Variants in CNTN3 observed in about 807,000 individuals in gnomAD.
CNTN3 encodes the protein contactin-3.
In CNTN3, 60 loss-of-function variants were observed where a neutral mutation model predicts 119.1. That is an observed-to-expected ratio of 0.50 (90% confidence interval 0.41 to 0.62). CNTN3 has a LOEUF of 0.62. CNTN3 is among the 20% of genes least tolerant of loss of function. The pLI is 0.00. For synonymous variants in CNTN3, 450 were observed against 438.7 expected, an observed-to-expected ratio of 1.03 and a Z score of -0.32; for missense variants, 1,101 against 1,242.4, an observed-to-expected ratio of 0.89 and a Z score of 1.71.
intron 13 of CNTN3, among the ~76,000 whole-genome samples, chr3:74,319,541 T>C (rs1702928950): frequency 6.6e-6 from 1 of 152,076 alleles, no homozygotes; most frequent in South Asian, 2.1e-4. Context: ...ACTTACATGT[T>C]AGACCTAAAA....
Position 74,323,520 on chromosome 3 carries a change from T to A in CNTN3, c.1668+11215A>T, listed in dbSNP as rs539751858. ...ATAACAAAGATACTCTAAAACTAAC[T>A]ATTGCAATGAAAGTACAGCTCTGTG... On this transcript the variant is annotated intron_variant, in intron 13 of 22. Coordinates refer to ENST00000263665, the MANE Select transcript of CNTN3 (RefSeq NM_020872.3). Among the ~76,000 whole-genome samples, 4 of 152,290 alleles carry A rather than the reference T, an allele frequency of 2.6e-5. No homozygotes were observed. In the East Asian group the frequency reaches 7.7e-4, roughly 29 times the overall value.
intron 5 of CNTN3, among the ~76,000 whole-genome samples, chr3:74,381,066 TCTC>T (rs1704608752): frequency 6.9e-6 from 1 of 145,482 alleles, no homozygotes; most frequent in South Asian, 2.2e-4. Flanking sequence ...TTTTTTTTTC[TCTC>T]TCTCTCTCTC....
At chr3:74,401,962 A>G (rs1705206045) in intron 5 of CNTN3, among the ~76,000 whole-genome samples, 1 of 152,198 alleles carries the variant, frequency 6.6e-6, no homozygotes, top group African/African-American at 2.4e-5. Context: ...TTTTAAGAAT[A>G]AGCTCTGTAA....
At chr3:74,298,791 G>A (rs1702393339) in intron 17 of CNTN3, among the ~76,000 whole-genome samples, 1 of 151,410 alleles carries the variant, frequency 6.6e-6, no homozygotes, top group Admixed American at 6.6e-5. Context: ...CAGCTACTCG[G>A]GAGGCTGAGG....
chr3:74,373,275 A>G (rs1233850775), intron 5 of CNTN3, among the ~76,000 whole-genome samples: 4 of 152,212 alleles, frequency 2.6e-5, no homozygotes, highest in Admixed American at 2.6e-4. Context: ...TTTGTTCTGC[A>G]GTTGTTAAAA....
At chr3:74,313,073 G>A (rs1167832858) in intron 13 of CNTN3, among the ~76,000 whole-genome samples, 1 of 150,686 alleles carries the variant, frequency 6.6e-6, no homozygotes, top group African/African-American at 2.4e-5. Context: ...TAATAGACTG[G>A]GCATGGTTGA....
intron 1 of CNTN3, among the ~76,000 whole-genome samples, chr3:74,533,162 G>A (rs1338563303): frequency 1.3e-5 from 2 of 151,950 alleles, no homozygotes. Flanking sequence ...GCCTGTGGTT[G>A]TATTTTCATA....
rs569452665 is a variant in CNTN3, at chr3:74,542,626, T to G, written c.-80-21434A>C. 2.6e-5 allele frequency among the ~76,000 whole-genome samples: 4 copies of G among 152,326 alleles called. 1 individual carries two copies. Among genetic ancestry groups the G allele is most frequent in the African/African-American group, 9.6e-5 (4 of 41,576 alleles). On this transcript the variant is annotated intron_variant, in intron 1 of 22. Transcript: ENST00000263665. ...AAGTAGTACTAGATAATATGATGAA[T>G]GACAAACAATTAACTTTTCAGTTTG...
At chr3:74,330,076 C>T (rs1046756934) in intron 13 of CNTN3, among the ~76,000 whole-genome samples, 3 of 152,174 alleles carry the variant, frequency 2.0e-5, no homozygotes, top group Non-Finnish European at 4.4e-5. Flanking sequence ...ATGGAGCTGC[C>T]TGGGCCTAGT....
intron 1 of CNTN3, among the ~76,000 whole-genome samples, chr3:74,577,432 G>A (rs1235775993): frequency 6.6e-6 from 1 of 152,054 alleles, no homozygotes; most frequent in Non-Finnish European, 1.5e-5. Context: ...AAGAGTGGGG[G>A]GGAAAAAGAA....
In CNTN3 at chr3:74,473,973, A is replaced by C. The variant is rs554266248; in HGVS notation, c.358+12483T>G. Among the ~76,000 whole-genome samples, 4 of 152,332 alleles carry C rather than the reference A, an allele frequency of 2.6e-5. No homozygotes were observed. The East Asian group carries it at 7.7e-4, about 29-fold the overall frequency. On this transcript the variant is annotated intron_variant, in intron 4 of 22. Coordinates refer to ENST00000263665, the MANE Select transcript of CNTN3 (RefSeq NM_020872.3). Reference sequence around the variant, plus strand: ...TGAGAAACCATTGGAGGTTTTGTCCAGGGAGGTATCGATATGTTCAGCATG... The same window carrying C: ...TGAGAAACCATTGGAGGTTTTGTCCCGGGAGGTATCGATATGTTCAGCATG...
rs116103974 is a variant in CNTN3, at chr3:74,579,285, T to G, written c.-81+35106A>C. Among the ~76,000 whole-genome samples, 23 of 151,290 alleles carry G rather than the reference T, an allele frequency of 1.5e-4. No homozygotes were observed. In the East Asian group the frequency reaches 4.3e-3, roughly 28 times the overall value. On this transcript the variant is annotated intron_variant, in intron 1 of 22. Coordinates refer to ENST00000263665, the MANE Select transcript of CNTN3 (RefSeq NM_020872.3). ...AAATTGACAGATCTAAAGAGAAAAA[T>G]TGAAAATCCACAATAATAGTTGAAG...
chr3:74,450,619 G>T (rs1016266272), intron 4 of CNTN3, among the ~76,000 whole-genome samples: 15 of 149,332 alleles, frequency 1.0e-4, no homozygotes, highest in African/African-American at 3.7e-4. Context: ...CCACTAACTC[G>T]TCATCTAGCA....
intron 20 of CNTN3, among the ~76,000 whole-genome samples, chr3:74,269,338 C>G (rs185057998): frequency 6.6e-6 from 1 of 151,894 alleles, no homozygotes; most frequent in Non-Finnish European, 1.5e-5. Context: ...ATAATGTTCG[C>G]GAACTACCTT....
chr3:74,407,264 A>ATTTTTTTTTTTT (rs753215277), intron 5 of CNTN3, among the ~76,000 whole-genome samples: 3 of 105,528 alleles, frequency 2.8e-5, no homozygotes, highest in Non-Finnish European at 3.6e-5. Context: ...CAAATATTCT[A>ATTTTTTTTTTTT]TTTTTTTTTT....
chr3:74,277,801 C>T (rs76591141), intron 20 of CNTN3, among the ~76,000 whole-genome samples: 4 of 151,974 alleles, frequency 2.6e-5, no homozygotes, highest in African/African-American at 9.7e-5. Flanking sequence ...AAAGGGCATC[C>T]AGATCAGTAA....
intron 4 of CNTN3, among the ~76,000 whole-genome samples, chr3:74,437,843 AT>A (rs1422889437): frequency 6.6e-6 from 1 of 152,190 alleles, no homozygotes; most frequent in Admixed American, 6.5e-5. Flanking sequence ...TTTGGAGATA[AT>A]TTAGAAAATC....
In CNTN3 at chr3:74,328,503, A is replaced by T. The variant is rs576588056; in HGVS notation, c.1668+6232T>A. ...GGTTTGTTTTAACTCTGCTGTTTTT[A>T]TGGGCTTTAGTACAAGAAGTCACAT... On this transcript the variant is annotated intron_variant, in intron 13 of 22. Transcript: ENST00000263665. Among the ~76,000 whole-genome samples the T allele has an allele frequency of 7.2e-5, 11 of 152,158 alleles. No homozygotes were observed. The East Asian group carries it at 1.9e-3, about 27-fold the overall frequency.
intron 4 of CNTN3, among the ~76,000 whole-genome samples, chr3:74,434,787 T>G (rs1286919078): frequency 6.6e-6 from 1 of 152,248 alleles, no homozygotes; most frequent in Non-Finnish European, 1.5e-5. Flanking sequence ...TGATAGGTAC[T>G]ATCACTTTTC....
Sources: gnomAD v4.1 joint callset for allele counts (sites outside exome capture counted in the v4.1 genomes callset) on GRCh38, gnomAD v4.1.1 for gene constraint, MANE v1.5 for transcripts, NCBI Gene and HGNC (gene_info 2026-07-23, HGNC 2026-07-21) for gene names.